Variants in KLHL9 observed in about 807,000 individuals in gnomAD.
KLHL9 encodes kelch-like protein 9.
A neutral mutation model predicts 42.3 loss-of-function variants in KLHL9; 27 were observed. The ratio of observed to expected loss-of-function variants is 0.64; its 90% CI spans 0.47 to 0.88. KLHL9 has a LOEUF of 0.88. KLHL9 is among the 40% of genes least tolerant of loss of function. KLHL9 has a pLI of 0.00. For synonymous variants in KLHL9, 274 were observed against 254.4 expected (o/e 1.08, Z -0.73); for missense variants, 629 against 750.3 (o/e 0.84, Z 1.89).
chr9:21,334,968 T>A lies in KLHL9; in HGVS notation c.-109A>T, dbSNP rs1199484999. 3 of 1,508,908 alleles carry A rather than the reference T, an allele frequency of 2.0e-6. No individual in the cohort carries two copies. The highest frequency in any genetic ancestry group is 1.8e-6 in the Non-Finnish European group (2 of 1,123,898). The allele number at this position is 1,508,908 out of a possible 1,614,324, so 93.5% of individuals were successfully genotyped here. A position where few individuals can be genotyped will look rare whatever the true frequency, so the allele number is the denominator to read the frequency against. Reference sequence around the variant, plus strand: ...AAAGAACAGAAAGCTCGTTTCCTTATCAAGGGAAGGCAGTCACTGCGGCAC... The same window carrying A: ...AAAGAACAGAAAGCTCGTTTCCTTAACAAGGGAAGGCAGTCACTGCGGCAC... On this transcript the variant is annotated 5_prime_UTR_variant, in exon 1 of 1. The change abolishes the stop of an existing upstream ORF in the 5' untranslated region. Coordinates refer to ENST00000359039, the MANE Select transcript of KLHL9 (RefSeq NM_018847.4). This position sits in a 1 kb window ranked among gnomAD's most constrained non-coding sequence, Gnocchi z 5.1.
rs1366255703 is a variant in KLHL9 at position 21,335,392 on chromosome 9, GT to G, written c.-534del. On this transcript the variant is annotated 5_prime_UTR_variant, in exon 1 of 1. Transcript: ENST00000359039. Reference sequence around the variant, plus strand: ...GAGCCGCTCCTTCCGGAAAAGCCTAGTCCCAGGATACCACGGGGTGGGAGCG... The same window carrying G: ...GAGCCGCTCCTTCCGGAAAAGCCTAGCCCAGGATACCACGGGGTGGGAGCG... The G allele has an allele frequency of 4.6e-5, 18 of 394,586 alleles. No individual in the cohort carries two copies. Among genetic ancestry groups the G allele is most frequent in the African/African-American group, 3.3e-4 (16 of 48,090 alleles). 24.4% of individuals were successfully genotyped at this position (394,586 alleles called of 1,614,324 possible). A position where few individuals can be genotyped will look rare whatever the true frequency, so the allele number is the denominator to read the frequency against.
At position 21,335,026 on chromosome 9, in the gene KLHL9, A is replaced by T; in HGVS notation, c.-167T>A. 1 of 874,224 alleles carries T rather than the reference A, an allele frequency of 1.1e-6. No homozygotes were observed. The highest frequency in any genetic ancestry group is 3.4e-4 in the Middle Eastern group (1 of 2,902). 54.2% of individuals were successfully genotyped at this position (874,224 alleles called of 1,614,324 possible). On this transcript the variant is annotated 5_prime_UTR_variant, in exon 1 of 1. Coordinates refer to ENST00000359039, the MANE Select transcript of KLHL9 (RefSeq NM_018847.4). The stretch of plus-strand genomic sequence containing the variant: ...GCCACGCCAGTCAGTCATCCACTGA[A>T]AATCACCCTGTAGCAGGACCACAAA...
At position 21,333,298 on chromosome 9, in the gene KLHL9, G is replaced by A. The variant is rs775982526; in HGVS notation, c.1562C>T (p.Thr521Ile). The A allele has an allele frequency of 9.3e-6, 15 of 1,614,162 alleles. No homozygotes were observed. Among genetic ancestry groups the A allele is most frequent in the South Asian group, 8.8e-5 (8 of 91,076 alleles). ...DVLSCEYYSPTLDQWTPIAAM... is the reference protein window; with the variant it reads ...DVLSCEYYSPILDQWTPIAAM... The stretch of plus-strand genomic sequence containing the variant: ...GGCAATTGGGGTCCACTGGTCAAGG[G>A]TTGGTGAATAGTATTCACAGCTTAG... Residue 521 changes from threonine (T) to isoleucine (I), a missense_variant, in exon 1 of 1, where the codon ACC becomes ATC. Thr to Ile is a moderately conservative substitution (Grantham distance 89). This residue lies in a region of KLHL9 where 214 missense variants were observed against 305.8 expected (regional missense o/e 0.70). Coordinates refer to ENST00000359039, the MANE Select transcript of KLHL9 (RefSeq NM_018847.4). This position sits in a 1 kb window ranked among gnomAD's most constrained non-coding sequence, Gnocchi z 7.5.
At position 21,335,317 on chromosome 9, in the gene KLHL9, C is replaced by G; in HGVS notation, c.-458G>C. 4.6e-6 allele frequency: 2 copies of G among 433,586 alleles called. No individual in the cohort carries two copies. Among genetic ancestry groups the G allele is most frequent in the Non-Finnish European group, 8.4e-6 (2 of 237,098 alleles). The allele number at this position is 433,586 out of a possible 1,614,324, so 26.9% of individuals were successfully genotyped here. ...TGTCTTTGAGCAAGGGCCGGGAACACAGGCCTGGGCCTGGGCTTGGGCCTA... is the reference window on the plus strand; with the variant it reads ...TGTCTTTGAGCAAGGGCCGGGAACAGAGGCCTGGGCCTGGGCTTGGGCCTA... On this transcript the variant is annotated 5_prime_UTR_variant, in exon 1 of 1. Transcript: ENST00000359039.
At position 21,330,535 on chromosome 9, in the gene KLHL9, G is replaced by A. The variant is rs1369214523; in HGVS notation, c.*2471C>T. On this transcript the variant is annotated 3_prime_UTR_variant, in exon 1 of 1. Coordinates refer to ENST00000359039, the MANE Select transcript of KLHL9 (RefSeq NM_018847.4). ...GAGAGGCAGGGTGGGTGAAGCTGGA[G>A]GTGGGGGATGTAGATAGAGCAGTTT... 6.6e-6 allele frequency: 1 copy of A among 152,146 alleles called. No homozygotes were observed. The highest frequency in any genetic ancestry group is 1.5e-5 in the Non-Finnish European group (1 of 68,062). 9.4% of individuals were successfully genotyped at this position (152,146 alleles called of 1,614,324 possible).
In KLHL9 at chr9:21,334,820, CAG is replaced by C; in HGVS notation, c.38_39del (p.Ser13CysfsTer7). On this transcript the variant is annotated frameshift_variant, in exon 1 of 1. Coordinates refer to ENST00000359039, the MANE Select transcript of KLHL9 (RefSeq NM_018847.4). LOFTEE classifies it high-confidence loss of function. The surrounding 1 kb of genome is among the most constrained non-coding windows in gnomAD (Gnocchi z 5.1). ...CCTGCCTTACAAGGCTGCAAATGGG[CAG>C]AGACGCCCATTTCGCCGTTACCAAG... is the stretch of plus-strand genomic sequence containing the variant. ...VSLGNGEMGV[S>X]AHLQPCKAGT... 3 of 1,613,932 alleles carry C rather than the reference CAG, an allele frequency of 1.9e-6. No individual in the cohort carries two copies. Among genetic ancestry groups the C allele is most frequent in the Non-Finnish European group, 2.5e-6 (3 of 1,179,934 alleles).
Position 21,329,764 on chromosome 9 carries a change from G to GTATA in KLHL9, c.*3238_*3241dup, listed in dbSNP as rs573795619. The GTATA allele has an allele frequency of 1.9e-4, 28 of 147,582 alleles. No homozygotes were observed. The highest frequency in any genetic ancestry group is 5.4e-4 in the African/African-American group (22 of 40,516). The allele number at this position is 147,582 out of a possible 1,614,324, so 9.1% of individuals were successfully genotyped here. A position where few individuals can be genotyped will look rare whatever the true frequency, so the allele number is the denominator to read the frequency against. ...TTGACAAATGCCTGCACATATGTAC[G>GTATA]TATATATATATATATAATATACTAT... On this transcript the variant is annotated 3_prime_UTR_variant, in exon 1 of 1. Coordinates refer to ENST00000359039, the MANE Select transcript of KLHL9 (RefSeq NM_018847.4).
In KLHL9 at chr9:21,331,356, ACACTTG is replaced by A. The variant is rs1378273835; in HGVS notation, c.*1644_*1649del. Reference sequence around the variant, plus strand: ...TCATAAACAGCATTAAAATGAATCAACACTTGTATGGGCAGTAAGGTTCAGACCCCT... The same window carrying A: ...TCATAAACAGCATTAAAATGAATCAATATGGGCAGTAAGGTTCAGACCCCT... On this transcript the variant is annotated 3_prime_UTR_variant, in exon 1 of 1. Coordinates refer to ENST00000359039, the MANE Select transcript of KLHL9 (RefSeq NM_018847.4). 6.6e-6 allele frequency: 1 copy of A among 152,570 alleles called. No homozygotes were observed. Among genetic ancestry groups the A allele is most frequent in the Non-Finnish European group, 1.5e-5 (1 of 68,030 alleles). The allele number at this position is 152,570 out of a possible 1,614,324, so 9.5% of individuals were successfully genotyped here. A position where few individuals can be genotyped will look rare whatever the true frequency, so the allele number is the denominator to read the frequency against.
chr9:21,334,227 G>A lies in KLHL9; in HGVS notation c.633C>T (p.Thr211=), dbSNP rs769564072. 8 of 1,614,104 alleles carry A rather than the reference G, an allele frequency of 5.0e-6. No individual in the cohort carries two copies. In the South Asian group the frequency reaches 6.6e-5, roughly 13 times the overall value. The change falls in exon 1 of 1, where the codon ACC becomes ACT. Residue 211 remains threonine, a synonymous_variant. Transcript: ENST00000359039. This position sits in a 1 kb window ranked among gnomAD's most constrained non-coding sequence, Gnocchi z 5.1. ...AGGCTGCCTTAAAGAGTTCAAGTTC[G>A]GTACAGTGCTTAAGACTATTACTGG... is the stretch of plus-strand genomic sequence containing the variant. ...VLSSNSLKHC[T]ELELFKAACR... is the part of the protein sequence containing the mutation.
At position 21,334,856 on chromosome 9, in the gene KLHL9, T is replaced by C. The variant is rs760562691; in HGVS notation, c.4A>G (p.Lys2Glu). 3.1e-6 allele frequency: 5 copies of C among 1,614,148 alleles called. No homozygotes were observed. The highest frequency in any genetic ancestry group is 4.2e-6 in the Non-Finnish European group (5 of 1,180,014). Residue 2 changes from lysine (K) to glutamate (E), a missense_variant, in exon 1 of 1, where the codon AAA becomes GAA. Lys to Glu is a moderately conservative substitution (Grantham distance 56, BLOSUM62 1). Around this residue, in one of 4 missense-constraint regions of KLHL9, gnomAD observed 351 missense variants for 363.1 expected, o/e 0.97. Coordinates refer to ENST00000359039, the MANE Select transcript of KLHL9 (RefSeq NM_018847.4). The surrounding 1 kb of genome is among the most constrained non-coding windows in gnomAD (Gnocchi z 5.1). ...ATTTCGCCGTTACCAAGGGACACTT[T>C]CATGTGAAAGCTTTCCTCTTGCACA... Reference protein sequence around the residue: MKVSLGNGEMGV... With the variant: MEVSLGNGEMGV...
rs761702498 is a variant in KLHL9 at position 21,334,037 on chromosome 9, T to G, written c.823A>C (p.Asn275His). ...TGCATATATGGCATCATTTGGTAAT[T>G]GCTAGCTTCCAAAAGCAAATTCACG... The part of the protein sequence containing the change: ...TCVNLLLEAS[N>H]YQMMPYMQPV... Residue 275 changes from asparagine to histidine, a missense_variant, in exon 1 of 1, where the codon AAT (asparagine) becomes CAT (histidine). Physicochemically the swap from Asn to His is moderately conservative, Grantham distance 68 (BLOSUM62 1). Around this residue, in one of 4 missense-constraint regions of KLHL9, gnomAD observed 351 missense variants for 363.1 expected, o/e 0.97. Coordinates refer to ENST00000359039, the MANE Select transcript of KLHL9 (RefSeq NM_018847.4). This position sits in a 1 kb window ranked among gnomAD's most constrained non-coding sequence, Gnocchi z 5.1. 1 of 1,614,140 alleles carries G rather than the reference T, an allele frequency of 6.2e-7. No individual in the cohort carries two copies. Among genetic ancestry groups the G allele is most frequent in the African/African-American group, 1.3e-5 (1 of 74,948 alleles).
In KLHL9 at chr9:21,334,165, T is replaced by C. The variant is rs750834542; in HGVS notation, c.695A>G (p.Tyr232Cys). ...WLRLEDPRMD[Y>C]AAKLMKNIRF... ...AATATTCTTCATTAACTTTGCAGCA[T>C]AATCCATCCGAGGGTCTTCCAACCT... The change falls in exon 1 of 1, where the codon TAT becomes TGT. Residue 232 changes from tyrosine to cysteine, a missense_variant. Coordinates refer to ENST00000359039, the MANE Select transcript of KLHL9 (RefSeq NM_018847.4). This position sits in a 1 kb window ranked among gnomAD's most constrained non-coding sequence, Gnocchi z 5.1. 6.2e-6 allele frequency: 10 copies of C among 1,614,130 alleles called. No individual in the cohort carries two copies. The Admixed American group carries it at 1.7e-4, about 27-fold the overall frequency.
chr9:21,335,368 A>T lies in KLHL9; in HGVS notation c.-509T>A, dbSNP rs1415613488. 2.4e-5 allele frequency: 10 copies of T among 411,886 alleles called. No individual in the cohort carries two copies. The highest frequency in any genetic ancestry group is 8.2e-5 in the African/African-American group (4 of 48,542). 25.5% of individuals were successfully genotyped at this position (411,886 alleles called of 1,614,324 possible). On this transcript the variant is annotated 5_prime_UTR_variant, in exon 1 of 1. Transcript: ENST00000359039. ...GAATACCGGCCTAGCCCCAACACCG[A>T]GCCGCTCCTTCCGGAAAAGCCTAGT... is the stretch of plus-strand genomic sequence containing the variant.
rs1820161804 is a variant in KLHL9 at position 21,331,115 on chromosome 9, A to T, written c.*1891T>A. On this transcript the variant is annotated 3_prime_UTR_variant, in exon 1 of 1. Transcript: ENST00000359039. ...GATAACAGAAGGGCAAAAGGACAGG[A>T]ACATCTGATCAAAGAAACACAGCTA... 6.6e-6 allele frequency: 1 copy of T among 152,644 alleles called. No homozygotes were observed. The highest frequency in any genetic ancestry group is 1.5e-5 in the Non-Finnish European group (1 of 68,044). The allele number at this position is 152,644 out of a possible 1,614,324, so 9.5% of individuals were successfully genotyped here.
rs1820141973 is a variant in KLHL9, at chr9:21,329,958, T to G, written c.*3048A>C. 6.6e-6 allele frequency: 1 copy of G among 151,738 alleles called. No individual in the cohort carries two copies. The highest frequency in any genetic ancestry group is 1.5e-5 in the Non-Finnish European group (1 of 67,920). 9.4% of individuals were successfully genotyped at this position (151,738 alleles called of 1,614,324 possible). A position where few individuals can be genotyped will look rare whatever the true frequency, so the allele number is the denominator to read the frequency against. ...AACATAATGCTTTATGTGCTTTTAG[T>G]TTTTATCCTCTAAATATTTTTCCAG... On this transcript the variant is annotated 3_prime_UTR_variant, in exon 1 of 1. Coordinates refer to ENST00000359039, the MANE Select transcript of KLHL9 (RefSeq NM_018847.4).
chr9:21,331,211 A>G lies in KLHL9; in HGVS notation c.*1795T>C, dbSNP rs1820164696. ...GGATGCACTTCTTGCTTATTCAATA[A>G]AGTTAATAATTTCTAATTTTTCTAC... On this transcript the variant is annotated 3_prime_UTR_variant, in exon 1 of 1. Transcript: ENST00000359039. 6.6e-6 allele frequency: 1 copy of G among 152,558 alleles called. No homozygotes were observed. Among genetic ancestry groups the G allele is most frequent in the Non-Finnish European group, 1.5e-5 (1 of 68,038 alleles). The allele number at this position is 152,558 out of a possible 1,614,324, so 9.5% of individuals were successfully genotyped here. A position where few individuals can be genotyped will look rare whatever the true frequency, so the allele number is the denominator to read the frequency against.
At position 21,331,180 on chromosome 9, in the gene KLHL9, G is replaced by C. The variant is rs764107277; in HGVS notation, c.*1826C>G. 3.3e-5 allele frequency: 5 copies of C among 152,328 alleles called. No individual in the cohort carries two copies. Among genetic ancestry groups the C allele is most frequent in the Non-Finnish European group, 4.4e-5 (3 of 67,982 alleles). The allele number at this position is 152,328 out of a possible 1,614,324, so 9.4% of individuals were successfully genotyped here. A position where few individuals can be genotyped will look rare whatever the true frequency, so the allele number is the denominator to read the frequency against. On this transcript the variant is annotated 3_prime_UTR_variant, in exon 1 of 1. Transcript: ENST00000359039. The stretch of plus-strand genomic sequence containing the variant: ...ATATTCAACCTCATTAATAATCAAA[G>C]GATTAGGATGCACTTCTTGCTTATT...
Position 21,333,736 on chromosome 9 carries a change from C to T in KLHL9, c.1124G>A (p.Arg375Gln). The stretch of plus-strand genomic sequence containing the variant: ...TGCAACCTGCATCCATTTATTATAC[C>T]GAGGATCAAATCTGAAAACTGTATC... ...AVDTVFRFDP[R>Q]YNKWMQVASL... The change falls in exon 1 of 1, where the codon CGG (arginine) becomes CAG (glutamine). Residue 375 changes from arginine to glutamine, a missense_variant. This residue lies in a region of KLHL9 where 214 missense variants were observed against 305.8 expected (regional missense o/e 0.70). Transcript: ENST00000359039. The surrounding 1 kb of genome is among the most constrained non-coding windows in gnomAD (Gnocchi z 7.5). The T allele has an allele frequency of 6.2e-7, 1 of 1,614,096 alleles. No individual in the cohort carries two copies. Among genetic ancestry groups the T allele is most frequent in the Non-Finnish European group, 8.5e-7 (1 of 1,180,028 alleles).
At position 21,334,237 on chromosome 9, in the gene KLHL9, T is replaced by A. The variant is rs1440436685; in HGVS notation, c.623A>T (p.Lys208Met). ...LAFVLSSNSL[K>M]HCTELELFKA... Reference sequence around the variant, plus strand: ...AAAGAGTTCAAGTTCGGTACAGTGCTTAAGACTATTACTGGAAAGCACAAA... The same window carrying A: ...AAAGAGTTCAAGTTCGGTACAGTGCATAAGACTATTACTGGAAAGCACAAA... Residue 208 changes from lysine (K) to methionine (M), a missense_variant, in exon 1 of 1, where the codon AAG (lysine) becomes ATG (methionine). Physicochemically the swap from Lys to Met is moderately conservative, Grantham distance 95. Coordinates refer to ENST00000359039, the MANE Select transcript of KLHL9 (RefSeq NM_018847.4). This position sits in a 1 kb window ranked among gnomAD's most constrained non-coding sequence, Gnocchi z 5.1. The A allele has an allele frequency of 1.2e-6, 2 of 1,614,192 alleles. No homozygotes were observed. The highest frequency in any genetic ancestry group is 2.2e-5 in the South Asian group (2 of 91,080).
Sources: allele counts gnomAD v4.1 joint callset, GRCh38; gene constraint gnomAD v4.1.1; regional missense constraint gnomAD v4.1.1; non-coding constraint Gnocchi (gnomAD v3.1); transcripts MANE v1.5; gene names NCBI Gene and HGNC (gene_info 2026-07-23, HGNC 2026-07-21).